Variants in CDC42BPA observed in about 807,000 individuals in gnomAD.
CDC42BPA encodes serine/threonine-protein kinase MRCK alpha.
Under a neutral mutation model 223.5 loss-of-function variants are expected in CDC42BPA, and 80 were observed. That is an observed-to-expected ratio of 0.36 (90% CI 0.30 to 0.43). The LOEUF (loss-of-function observed/expected upper bound fraction) is 0.43, where lower values mean the gene tolerates loss of function less well. Ranked by LOEUF, CDC42BPA falls within the 20% of genes least tolerant of loss-of-function variation. The pLI is 1.00. For missense variants in CDC42BPA, 1,743 were observed against 2,099.9 expected (o/e 0.83, Z 3.32); for synonymous variants, 694 against 718.6 (o/e 0.97, Z 0.55).
At chr1:227,273,424 G>A (rs1252694893) in intron 1 of CDC42BPA, among the ~76,000 whole-genome samples, 1 of 149,570 alleles carries the variant, frequency 6.7e-6, no homozygotes, top group African/African-American at 2.5e-5. Flanking sequence ...AAAATTAGCC[G>A]GGCGTGGTGG....
chr1:227,243,323 A>T (rs375618867), intron 2 of CDC42BPA, among the ~76,000 whole-genome samples: 11 of 152,326 alleles, frequency 7.2e-5, no homozygotes, highest in Middle Eastern at 3.4e-3. Context: ...GACCTTAAGA[A>T]CTGTTTTTAA....
chr1:227,026,501 T>A (rs1351315042), intron 30 of CDC42BPA, among the ~76,000 whole-genome samples: 3 of 152,198 alleles, frequency 2.0e-5, no homozygotes. Context: ...TGAATCAAAC[T>A]TAGAAAGCAG....
chr1:226,999,384 G>A (rs552176981), intron 35 of CDC42BPA, among the ~76,000 whole-genome samples: 2 of 152,180 alleles, frequency 1.3e-5, no homozygotes, highest in South Asian at 4.2e-4. Flanking sequence ...CACCATCTTA[G>A]CAAGGATGGT....
chr1:227,255,288 A>T (rs1682843810), intron 1 of CDC42BPA, among the ~76,000 whole-genome samples: 1 of 152,186 alleles, frequency 6.6e-6, no homozygotes, highest in Non-Finnish European at 1.5e-5. Flanking sequence ...GATCAAAGAT[A>T]CATATTTGAG....
At chr1:227,039,871 T>TCAGA (rs149788426) in intron 24 of CDC42BPA, among the ~76,000 whole-genome samples, 1 of 43,546 alleles carries the variant, frequency 2.3e-5, no homozygotes, top group Non-Finnish European at 4.8e-5. Context: ...TTTTCTTCTG[T>TCAGA]CAGGTTAATG....
At chr1:227,206,079 A>C (rs1672673547) in intron 3 of CDC42BPA, among the ~76,000 whole-genome samples, 1 of 152,228 alleles carries the variant, frequency 6.6e-6, no homozygotes, top group African/African-American at 2.4e-5. Flanking sequence ...AGGTTTTATA[A>C]AAAGGTTTAA....
intron 1 of CDC42BPA, among the ~76,000 whole-genome samples, chr1:227,285,262 C>A (rs565719689): frequency 4.6e-5 from 7 of 152,300 alleles, no homozygotes; most frequent in Middle Eastern, 3.4e-3. Context: ...AACTCACATA[C>A]ACTGACTTCC....
intron 15 of CDC42BPA, among the ~76,000 whole-genome samples, chr1:227,093,507 A>G (rs529304994): frequency 6.6e-6 from 1 of 152,338 alleles, no homozygotes; most frequent in South Asian, 2.1e-4. Context: ...TAAGTAATCT[A>G]CCAGCTATGT....
chr1:227,134,162 TCTTTA>T (rs1334545230), intron 10 of CDC42BPA, among the ~76,000 whole-genome samples: 3 of 152,164 alleles, frequency 2.0e-5, no homozygotes, highest in Non-Finnish European at 2.9e-5. Context: ...ATTTTTTTCC[TCTTTA>T]CTTTCTTACT....
intron 21 of CDC42BPA, among the ~76,000 whole-genome samples, chr1:227,065,909 C>T (rs1440727666): frequency 1.3e-5 from 2 of 152,146 alleles, no homozygotes; most frequent in Non-Finnish European, 2.9e-5. Context: ...CAAGTTCCAG[C>T]TGCAATTCAA....
intron 1 of CDC42BPA, among the ~76,000 whole-genome samples, chr1:227,303,890 A>G (rs1692102666): frequency 6.6e-6 from 1 of 152,246 alleles, no homozygotes; most frequent in Non-Finnish European, 1.5e-5. Context: ...TGCTCAATCC[A>G]TCATCACCAG....
At position 227,028,725 on chromosome 1, in the gene CDC42BPA, T is replaced by C. The variant is rs1361750290; in HGVS notation, c.4364A>G (p.Tyr1455Cys). The change falls in exon 30 of 37, where the codon TAC (tyrosine) becomes TGC (cysteine). Residue 1455 changes from tyrosine (Y) to cysteine (C), a missense_variant. Coordinates refer to ENST00000366766, the MANE Select transcript of CDC42BPA (RefSeq NM_001394014.1). ...YLLCFNSIGI[Y>C]TDCQGRRSRQ... is the part of the protein sequence containing the mutation. ...AGATCTTCGGCCCTGGCAGTCAGTG[T>C]ATATCCCAATGCTGTTAAAACACAG... 2 of 1,613,236 alleles carry C rather than the reference T, an allele frequency of 1.2e-6. No homozygotes were observed. The highest frequency in any genetic ancestry group is 1.7e-6 in the Non-Finnish European group (2 of 1,179,376).
chr1:227,136,459 C>T (rs752230955), intron 10 of CDC42BPA, among the ~76,000 whole-genome samples: 3 of 152,056 alleles, frequency 2.0e-5, no homozygotes, highest in Non-Finnish European at 4.4e-5. Flanking sequence ...GTGCATGAGG[C>T]AAAATAATAT....
chr1:227,245,191 A>G (rs1178034628), intron 2 of CDC42BPA, among the ~76,000 whole-genome samples: 5 of 151,462 alleles, frequency 3.3e-5, no homozygotes, highest in Admixed American at 3.3e-4. Context: ...TCCATCCCCC[A>G]ACCCAGGCAG....
intron 16 of CDC42BPA, among the ~76,000 whole-genome samples, chr1:227,086,326 A>G (rs551627434): frequency 1.3e-5 from 2 of 152,336 alleles, no homozygotes; most frequent in East Asian, 1.9e-4. Context: ...TATGCTTTCA[A>G]TTCTTTTCAG....
At chr1:227,063,207 G>A (rs1264215633) in intron 21 of CDC42BPA, among the ~76,000 whole-genome samples, 3 of 152,060 alleles carry the variant, frequency 2.0e-5, no homozygotes, top group Non-Finnish European at 4.4e-5. Flanking sequence ...ACACACTGTG[G>A]TTTTTATAAA....
At position 226,994,229 on chromosome 1, in the gene CDC42BPA, C is replaced by T; in HGVS notation, c.*39G>A. 3.2e-6 allele frequency: 5 copies of T among 1,545,528 alleles called. No homozygotes were observed. Among genetic ancestry groups the T allele is most frequent in the Non-Finnish European group, 3.5e-6 (4 of 1,142,800 alleles). On this transcript the variant is annotated 3_prime_UTR_variant, in exon 37 of 37. Transcript: ENST00000366766. This position sits in a 1 kb window ranked among gnomAD's most constrained non-coding sequence, Gnocchi z 4.0. ...GATGAAAGTGAGAGGAGGCGAGTGGCAGGGAGCGGAGAGCGAGAGGTCCCA... is the reference window on the plus strand; with the variant it reads ...GATGAAAGTGAGAGGAGGCGAGTGGTAGGGAGCGGAGAGCGAGAGGTCCCA...
At chr1:227,277,488 C>G (rs897197345) in intron 1 of CDC42BPA, among the ~76,000 whole-genome samples, 4 of 152,144 alleles carry the variant, frequency 2.6e-5, no homozygotes, top group Non-Finnish European at 4.4e-5. Context: ...AAACATAATC[C>G]AAAAAATATC....
chr1:227,317,527 A>C lies in CDC42BPA; in HGVS notation c.-345T>G, dbSNP rs76381039. 1.3e-5 allele frequency: 5 copies of C among 394,772 alleles called. No homozygotes were observed. The highest frequency in any genetic ancestry group is 1.8e-5 in the Non-Finnish European group (4 of 225,440). The allele number at this position is 394,772 out of a possible 1,614,324, so 24.5% of individuals were successfully genotyped here. Reference sequence around the variant, plus strand: ...ACACTTCTTTAAAAAAAAAAAAAAAAACTCTTCTCCTTCATTCAAAATTCA... The same window carrying C: ...ACACTTCTTTAAAAAAAAAAAAAAACACTCTTCTCCTTCATTCAAAATTCA... On this transcript the variant is annotated 5_prime_UTR_variant, in exon 1 of 37. Transcript: ENST00000366766.
Sources: gnomAD v4.1 joint callset for allele counts (sites outside exome capture counted in the v4.1 genomes callset) on GRCh38, gnomAD v4.1.1 for gene constraint, Gnocchi (gnomAD v3.1) non-coding constraint, MANE v1.5 for transcripts, NCBI Gene and HGNC (gene_info 2026-07-23, HGNC 2026-07-21) for gene names.